DMBX1: variants seen among roughly 807,000 people sequenced by gnomAD.
DMBX1 encodes the protein diencephalon/mesencephalon homeobox 1, also known as diencephalon/mesencephalon homeobox protein 1.
DMBX1 carries 7 observed loss-of-function variants against 30.4 expected under a neutral mutation model. The ratio of observed to expected loss-of-function variants is 0.23; its 90% CI spans 0.13 to 0.43. DMBX1 has a LOEUF of 0.43. Ranked by LOEUF, DMBX1 falls within the 20% of genes least tolerant of loss-of-function variation. The probability of loss-of-function intolerance (pLI) is 1.00; values close to 1 mark genes in which losing one functional copy is unlikely to be tolerated. For synonymous variants in DMBX1, 222 were observed against 214.2 expected (o/e 1.04, Z -0.32); for missense variants, 460 against 508.5 (o/e 0.90, Z 0.92).
chr1:46,498,325 T>G (rs1014029495), intron 2 of DMBX1, among the ~76,000 whole-genome samples: 2 of 152,248 alleles, frequency 1.3e-5, no homozygotes, highest in Admixed American at 6.5e-5. Context: ...CACAATCTCT[T>G]GGTCTAAAAT....
Sources: gnomAD v4.1 joint callset for allele counts (sites outside exome capture counted in the v4.1 genomes callset) on GRCh38, gnomAD v4.1.1 for gene constraint, MANE v1.5 for transcripts, NCBI Gene and HGNC (gene_info 2026-07-23, HGNC 2026-07-21) for gene names.